Variants in SUMF1 observed in about 807,000 individuals in gnomAD.
SUMF1 encodes formylglycine-generating enzyme.
In SUMF1, 48 loss-of-function variants were observed where a neutral mutation model predicts 47.6. The ratio of observed to expected loss-of-function variants is 1.01; its 90% CI spans 0.80 to 1.28. The LOEUF (loss-of-function observed/expected upper bound fraction) is 1.28. Among genes scored for constraint, SUMF1 ranks in the 50% most tolerant of loss-of-function variants. SUMF1 has a pLI of 0.00. For synonymous variants in SUMF1, 230 were observed against 192.1 expected, an observed-to-expected ratio of 1.20 and a Z score of -1.63; for missense variants, 571 against 485.4, an observed-to-expected ratio of 1.18 and a Z score of -1.66.
rs1314623671 is a variant in SUMF1 at position 4,217,512 on chromosome 3, TTTTATATATATA to T, written c.1015-148779_1015-148768del. The stretch of plus-strand genomic sequence containing the variant: ...CATGTATCCCAGAACTTAAAGTATT[TTTTATATATATA>T]TATATATATATATATGAAGAAAAAG... On this transcript the variant is annotated intron_variant and NMD_transcript_variant, in intron 8 of 12. Coordinates refer to the SUMF1 transcript ENST00000448413. Among the ~76,000 whole-genome samples the T allele has an allele frequency of 3.8e-4, 18 of 47,512 alleles. 5 individuals carry two copies. Among genetic ancestry groups the T allele is most frequent in the East Asian group, 1.5e-3 (2 of 1,374 alleles). The allele number at this position is 47,512 out of a possible 152,430, so 31.2% of individuals were successfully genotyped here.
At chr3:4,112,664 G>T (rs1254084460) in intron 8 of SUMF1, among the ~76,000 whole-genome samples, 1 of 152,080 alleles carries the variant, frequency 6.6e-6, no homozygotes, top group Non-Finnish European at 1.5e-5. Context: ...AGACTTGGGG[G>T]CTGGATGAGG....
At chr3:4,343,080 T>G (rs1699303875) in intron 8 of SUMF1, among the ~76,000 whole-genome samples, 1 of 152,220 alleles carries the variant, frequency 6.6e-6, no homozygotes, top group African/African-American at 2.4e-5. Context: ...ATAGGTACAT[T>G]TTGAACAATT....
intron 8 of SUMF1, among the ~76,000 whole-genome samples, chr3:4,347,046 C>A (rs1015234864): frequency 2.6e-5 from 4 of 152,060 alleles, no homozygotes; most frequent in Non-Finnish European, 5.9e-5. Context: ...AATTAATAGC[C>A]TACCAACTAA....
intron 8 of SUMF1, among the ~76,000 whole-genome samples, chr3:4,282,622 A>G (rs1017611997): frequency 6.6e-6 from 1 of 152,218 alleles, no homozygotes; most frequent in Non-Finnish European, 1.5e-5. Context: ...TTCAGTGAAA[A>G]TAACGATACC....
At chr3:4,363,109 C>A (rs561547390) in intron 8 of SUMF1, among the ~76,000 whole-genome samples, 20 of 152,048 alleles carry the variant, frequency 1.3e-4, no homozygotes, top group African/African-American at 4.6e-4. Context: ...ATTCAGTATT[C>A]CAATACAATA....
chr3:4,075,232 C>T (rs371897618), intron 8 of SUMF1, among the ~76,000 whole-genome samples: 6 of 151,980 alleles, frequency 3.9e-5, no homozygotes, highest in Middle Eastern at 3.2e-3. Flanking sequence ...ACAGAACCAA[C>T]GACAAAAACC....
At chr3:4,455,717 A>AAATAATAAT (rs147483904) in intron 1 of SUMF1, among the ~76,000 whole-genome samples, 7 of 151,616 alleles carry the variant, frequency 4.6e-5, no homozygotes, top group Admixed American at 2.0e-4. Context: ...ACTCCGTTTC[A>AAATAATAAT]AATAATAATA....
At position 4,082,744 on chromosome 3, in the gene SUMF1, G is replaced by C. The variant is rs141275023; in HGVS notation, c.1015-13999C>G. Among the ~76,000 whole-genome samples the C allele has an allele frequency of 1.2e-3, 182 of 152,168 alleles. 1 individual carries two copies. The highest frequency in any genetic ancestry group is 6.6e-3 in the Admixed American group (101 of 15,286). ...TTAATGAATAGACATTTTAAAAAGA[G>C]AGAAAGAGAGATTACATCCTGTTTG... On this transcript the variant is annotated intron_variant and NMD_transcript_variant, in intron 8 of 12. Coordinates refer to the SUMF1 transcript ENST00000448413.
intron 8 of SUMF1, among the ~76,000 whole-genome samples, chr3:4,229,079 G>A (rs1485267): frequency 0.36 from 55,000 of 151,934 alleles, 10,860 homozygotes; most frequent in Non-Finnish European, 0.45. Flanking sequence ...AGATGAAAAC[G>A]GCAACTAGCC....
intron 9 of SUMF1, among the ~76,000 whole-genome samples, chr3:4,036,119 GAAAAC>G (rs1694791491): frequency 1.3e-5 from 2 of 152,038 alleles, no homozygotes; most frequent in African/African-American, 4.8e-5. Flanking sequence ...TAGAATATGA[GAAAAC>G]AAAACAAAAC....
intron 8 of SUMF1, among the ~76,000 whole-genome samples, chr3:4,226,221 G>A (rs1003493783): frequency 7.0e-6 from 1 of 142,912 alleles, no homozygotes; most frequent in East Asian, 2.1e-4. Flanking sequence ...CCTTATAACT[G>A]TTAGCTATTA....
intron 7 of SUMF1, among the ~76,000 whole-genome samples, chr3:4,410,603 C>T (rs751019061): frequency 3.9e-5 from 6 of 152,150 alleles, no homozygotes; most frequent in Non-Finnish European, 7.3e-5. Flanking sequence ...AGACTGAATA[C>T]AATTTCTAAA....
intron 8 of SUMF1, among the ~76,000 whole-genome samples, chr3:4,274,189 A>T (rs115129102): frequency 3.5e-4 from 53 of 152,208 alleles, no homozygotes; most frequent in African/African-American, 9.6e-4. Flanking sequence ...AGTCTGACAA[A>T]ACTATTCTTC....
Position 4,224,062 on chromosome 3 carries a change from G to A in SUMF1, c.1014+152268C>T, listed in dbSNP as rs191887812. 9.1e-4 allele frequency among the ~76,000 whole-genome samples: 139 copies of A among 152,226 alleles called. 1 individual carries two copies. The highest frequency in any genetic ancestry group is 5.4e-3 in the Admixed American group (82 of 15,268). ...GGCAGGCAAAAGAACCAGGGGCCGGGGGTGGAGTGTGATGAAGATGGACAA... is the reference window on the plus strand; with the variant it reads ...GGCAGGCAAAAGAACCAGGGGCCGGAGGTGGAGTGTGATGAAGATGGACAA... On this transcript the variant is annotated intron_variant and NMD_transcript_variant, in intron 8 of 12. Coordinates refer to the SUMF1 transcript ENST00000448413.
chr3:4,253,409 C>T (rs1035558349), intron 8 of SUMF1, among the ~76,000 whole-genome samples: 13 of 152,238 alleles, frequency 8.5e-5, no homozygotes, highest in Admixed American at 2.0e-4. Context: ...GTGCGTGCAC[C>T]GTGCACGAGC....
intron 9 of SUMF1, among the ~76,000 whole-genome samples, chr3:4,059,684 T>C (rs1465953565): frequency 6.6e-6 from 1 of 151,996 alleles, no homozygotes; most frequent in Non-Finnish European, 1.5e-5. Context: ...ATTTCTGCCT[T>C]CATGGAGTTC....
chr3:4,373,427 C>T (rs941962907), intron 8 of SUMF1, among the ~76,000 whole-genome samples: 1 of 150,814 alleles, frequency 6.6e-6, no homozygotes, highest in Non-Finnish European at 1.5e-5. Context: ...GCTGTATAGT[C>T]CTACATCTAT....
intron 8 of SUMF1, among the ~76,000 whole-genome samples, chr3:4,338,891 A>C (rs572778523): frequency 1.6e-4 from 24 of 152,014 alleles, no homozygotes; most frequent in Non-Finnish European, 2.5e-4. Flanking sequence ...ATGTCTAGCT[A>C]CTCTATGAGA....
At chr3:4,103,085 G>A (rs1450312692) in intron 8 of SUMF1, among the ~76,000 whole-genome samples, 3 of 151,632 alleles carry the variant, frequency 2.0e-5, no homozygotes, top group Admixed American at 6.6e-5. Flanking sequence ...ACCACATCTG[G>A]CTAATTTTTG....
Sources: gnomAD v4.1 joint callset for allele counts (sites outside exome capture counted in the v4.1 genomes callset) on GRCh38, gnomAD v4.1.1 for gene constraint, MANE v1.5 for transcripts, NCBI Gene and HGNC (gene_info 2026-07-23, HGNC 2026-07-21) for gene names.